The following MAML3 variants were observed in gnomAD, a reference collection of about 807,000 sequenced individuals.
The protein encoded by MAML3 is mastermind like transcriptional coactivator 3, also known as mastermind-like protein 3.
A neutral mutation model predicts 101.9 loss-of-function variants in MAML3; 27 were observed. The observed-to-expected ratio is 0.27, with a 90% CI of 0.20 to 0.37. The LOEUF (loss-of-function observed/expected upper bound fraction) is 0.37, where lower values mean the gene tolerates loss of function less well. MAML3 is among the 10% of genes least tolerant of loss of function. The pLI is 1.00. For missense variants in MAML3, 1,316 were observed against 1,444.9 expected (o/e 0.91, Z 1.45); for synonymous variants, 501 against 555.9 (o/e 0.90, Z 1.39).
intron 2 of MAML3, among the ~76,000 whole-genome samples, chr4:139,872,799 C>T (rs549687209): frequency 1.6e-4 from 25 of 152,064 alleles, no homozygotes; most frequent in South Asian, 2.1e-4. Context: ...ATCACACGGC[C>T]GGGCACAGTG....
chr4:139,735,296 G>A lies in MAML3; in HGVS notation c.2080-4629C>T, dbSNP rs1728889266. Among the ~76,000 whole-genome samples the A allele has an allele frequency of 6.6e-6, 1 of 152,236 alleles. No individual in the cohort carries two copies. Among genetic ancestry groups the A allele is most frequent in the African/African-American group, 2.4e-5 (1 of 41,456 alleles). On this transcript the variant is annotated intron_variant, in intron 2 of 4. Coordinates refer to ENST00000509479, the MANE Select transcript of MAML3 (RefSeq NM_018717.5). The surrounding 1 kb of genome is among the most constrained non-coding windows in gnomAD (Gnocchi z 5.8). ...AAATGAGTTCTCTCTCCATTGCCGT[G>A]TATCTCTGGGGTTATCTGCCCCCCT...
At chr4:140,068,961 C>T (rs1028772975) in intron 1 of MAML3, among the ~76,000 whole-genome samples, 2 of 152,118 alleles carry the variant, frequency 1.3e-5, no homozygotes, top group South Asian at 2.1e-4. Flanking sequence ...GAGTTGCTGA[C>T]GAATTTTATA....
intron 1 of MAML3, among the ~76,000 whole-genome samples, chr4:139,937,572 G>A (rs1204840982): frequency 6.6e-6 from 1 of 152,066 alleles, no homozygotes; most frequent in East Asian, 1.9e-4. Flanking sequence ...TTTTTTGGTA[G>A]AGATGGGGTT....
At position 139,918,453 on chromosome 4, in the gene MAML3, G is replaced by T. The variant is rs1733066050; in HGVS notation, c.469-27486C>A. Reference sequence around the variant, plus strand: ...ATCCCAGCTCCTTGCTGGGCTTATTGTCATCCTTCAGATTTCAGCTCACAT... The same window carrying T: ...ATCCCAGCTCCTTGCTGGGCTTATTTTCATCCTTCAGATTTCAGCTCACAT... On this transcript the variant is annotated intron_variant, in intron 1 of 4. Transcript: ENST00000509479. Among the ~76,000 whole-genome samples the T allele has an allele frequency of 2.0e-5, 3 of 152,270 alleles. No homozygotes were observed. The South Asian group carries it at 6.2e-4, about 32-fold the overall frequency.
intron 1 of MAML3, among the ~76,000 whole-genome samples, chr4:140,036,508 A>C (rs1726989300): frequency 6.6e-6 from 1 of 152,200 alleles, no homozygotes; most frequent in East Asian, 1.9e-4. Flanking sequence ...GCTGAGCTAG[A>C]TCAGCACCTC....
Position 140,153,484 on chromosome 4 carries a change from G to GT in MAML3, c.-158_-157insA. ...CGATCCCGACGGGGCGAAAAAAACGGGGGGGGAGATTTTGGGGTGGTTTTT... is the reference window on the plus strand; with the variant it reads ...CGATCCCGACGGGGCGAAAAAAACGGTGGGGGGAGATTTTGGGGTGGTTTTT... On this transcript the variant is annotated 5_prime_UTR_variant, in exon 1 of 5. Transcript: ENST00000509479. 1 of 812,700 alleles carries GT rather than the reference G, an allele frequency of 1.2e-6. No homozygotes were observed. Among genetic ancestry groups the GT allele is most frequent in the Non-Finnish European group, 1.8e-6 (1 of 562,772 alleles). The allele number at this position is 812,700 out of a possible 1,614,324, so 50.3% of individuals were successfully genotyped here.
At chr4:139,814,331 CTT>C (rs1730857752) in intron 2 of MAML3, among the ~76,000 whole-genome samples, 1 of 152,128 alleles carries the variant, frequency 6.6e-6, no homozygotes, top group Non-Finnish European at 1.5e-5. Flanking sequence ...TCATATAAGG[CTT>C]ATGCCTTACA....
intron 2 of MAML3, among the ~76,000 whole-genome samples, chr4:139,742,081 T>C (rs141441814): frequency 1.3e-5 from 2 of 151,988 alleles, no homozygotes; most frequent in Admixed American, 6.5e-5. Flanking sequence ...CATGGTAACC[T>C]GGATAAAGGA....
At chr4:139,769,554 A>G (rs545023503) in intron 2 of MAML3, among the ~76,000 whole-genome samples, 1 of 152,284 alleles carries the variant, frequency 6.6e-6, no homozygotes, top group South Asian at 2.1e-4. Context: ...CTACATGTAA[A>G]TATGACACTT....
intron 1 of MAML3, among the ~76,000 whole-genome samples, chr4:139,961,512 T>C (rs1010878080): frequency 6.6e-5 from 10 of 152,192 alleles, no homozygotes; most frequent in African/African-American, 2.4e-4. Context: ...ATGAGCCTGT[T>C]GTGGGCCCCC....
At chr4:140,005,581 A>C (rs955746234) in intron 1 of MAML3, among the ~76,000 whole-genome samples, 3 of 152,220 alleles carry the variant, frequency 2.0e-5, no homozygotes, top group African/African-American at 7.2e-5. Flanking sequence ...ACAAATTAAA[A>C]TGAAACATCT....
intron 1 of MAML3, among the ~76,000 whole-genome samples, chr4:140,032,775 G>A (rs1726927719): frequency 6.6e-6 from 1 of 151,384 alleles, no homozygotes; most frequent in Admixed American, 6.6e-5. Context: ...TAGGAATATG[G>A]TCAATTTTTA....
At chr4:139,905,466 C>G (rs373326820) in intron 1 of MAML3, among the ~76,000 whole-genome samples, 1 of 118,138 alleles carries the variant, frequency 8.5e-6, no homozygotes, top group Non-Finnish European at 1.7e-5. Flanking sequence ...CACTCCAGCC[C>G]GGGCGGCAGA....
rs36104617 is a variant in MAML3, at chr4:140,037,241, G to GAA, written c.468+115617_468+115618dup. Reference sequence around the variant, plus strand: ...ATAAATGACTTCTGACCCTCTGCTTGAAAAAAAAAAAACAAAAACAAAACA... The same window carrying GAA: ...ATAAATGACTTCTGACCCTCTGCTTGAAAAAAAAAAAAAACAAAAACAAAACA... On this transcript the variant is annotated intron_variant, in intron 1 of 4. Transcript: ENST00000509479. Among the ~76,000 whole-genome samples, 486 of 138,750 alleles carry GAA rather than the reference G, an allele frequency of 3.5e-3. 3 individuals are homozygous for GAA. The highest frequency in any genetic ancestry group is 0.011 in the Middle Eastern group (3 of 272). The allele number at this position is 138,750 out of a possible 152,430, so 91.0% of individuals were successfully genotyped here.
At chr4:139,857,208 C>T (rs1731676680) in intron 2 of MAML3, among the ~76,000 whole-genome samples, 2 of 152,128 alleles carry the variant, frequency 1.3e-5, no homozygotes, top group East Asian at 3.9e-4. Context: ...GAAAGATAAA[C>T]AGTAAGCTGT....
intron 2 of MAML3, among the ~76,000 whole-genome samples, chr4:139,883,825 C>CA (rs1216863998): frequency 6.8e-6 from 1 of 146,242 alleles, no homozygotes; most frequent in Non-Finnish European, 1.5e-5. Flanking sequence ...ATATATACAT[C>CA]AAGGAAACTG....
intron 1 of MAML3, among the ~76,000 whole-genome samples, chr4:139,997,011 C>T (rs145349443): frequency 0.014 from 2,109 of 151,576 alleles, 20 homozygotes; most frequent in Middle Eastern, 0.038. Flanking sequence ...GAGCCAAGAT[C>T]GCGCCACTGC....
intron 1 of MAML3, among the ~76,000 whole-genome samples, chr4:140,010,659 T>C (rs189485054): frequency 1.3e-5 from 2 of 152,126 alleles, no homozygotes; most frequent in African/African-American, 4.8e-5. Context: ...AACAGTTTCA[T>C]AAGGTCTGCT....
intron 1 of MAML3, among the ~76,000 whole-genome samples, chr4:139,967,581 G>T (rs150907793): frequency 1.3e-5 from 2 of 151,622 alleles, no homozygotes; most frequent in South Asian, 2.1e-4. Flanking sequence ...TACATAAGGC[G>T]GTGAGAGAGA....
Sources: allele counts gnomAD v4.1 joint callset (sites outside exome capture counted in the v4.1 genomes callset), GRCh38; gene constraint gnomAD v4.1.1; non-coding constraint Gnocchi (gnomAD v3.1); transcripts MANE v1.5; gene names NCBI Gene and HGNC (gene_info 2026-07-23, HGNC 2026-07-21).